The following ADAMTSL1 variants were observed in gnomAD, a reference collection of about 807,000 sequenced individuals.
ADAMTSL1 encodes ADAMTS-like protein 1.
Under a neutral mutation model 201.8 loss-of-function variants are expected in ADAMTSL1, and 126 were observed. The ratio of observed to expected loss-of-function variants is 0.62; its 90% CI spans 0.54 to 0.72. The LOEUF is 0.72. Among genes scored for constraint, ADAMTSL1 ranks in the 30% least tolerant of loss-of-function variants. The pLI is 0.00. For synonymous variants in ADAMTSL1, 1,121 were observed against 903.4 expected, an observed-to-expected ratio of 1.24 and a Z score of -4.32; for missense variants, 2,679 against 2,277.8, an observed-to-expected ratio of 1.18 and a Z score of -3.59.
At chr9:18,332,690 A>G (rs530293270) in intron 2 of ADAMTSL1, among the ~76,000 whole-genome samples, 1 of 152,196 alleles carries the variant, frequency 6.6e-6, no homozygotes, top group Non-Finnish European at 1.5e-5. Context: ...GTTGATAACT[A>G]CACAGTTATG....
chr9:18,662,590 C>T (rs564275428), intron 9 of ADAMTSL1, among the ~76,000 whole-genome samples: 3 of 152,100 alleles, frequency 2.0e-5, no homozygotes, highest in Non-Finnish European at 4.4e-5. Context: ...CATACTCAGT[C>T]TTTGCTAAAG....
intron 23 of ADAMTSL1, among the ~76,000 whole-genome samples, chr9:18,865,310 A>G (rs966541957): frequency 6.6e-5 from 10 of 151,934 alleles, no homozygotes; most frequent in African/African-American, 1.4e-4. Flanking sequence ...TTGTCCTTGC[A>G]ATAGTTTGCT....
chr9:18,532,931 G>T (rs898636767), intron 2 of ADAMTSL1, among the ~76,000 whole-genome samples: 1 of 151,740 alleles, frequency 6.6e-6, no homozygotes, highest in Non-Finnish European at 1.5e-5. Flanking sequence ...TAAGAAGAAA[G>T]GATTAATTGA....
intron 2 of ADAMTSL1, among the ~76,000 whole-genome samples, chr9:18,264,268 A>G (rs375834130): frequency 1.3e-5 from 2 of 152,050 alleles, no homozygotes; most frequent in South Asian, 2.1e-4. Flanking sequence ...TGGCTATCTC[A>G]TCTATATTTT....
chr9:18,800,863 A>T (rs1822749955), intron 20 of ADAMTSL1, among the ~76,000 whole-genome samples: 1 of 152,208 alleles, frequency 6.6e-6, no homozygotes, highest in Non-Finnish European at 1.5e-5. Flanking sequence ...GGAACATGCG[A>T]AGAATTTGTG....
intron 4 of ADAMTSL1, among the ~76,000 whole-genome samples, chr9:18,579,166 TA>T (rs1177590247): frequency 1.3e-5 from 2 of 150,454 alleles, no homozygotes; most frequent in East Asian, 3.9e-4. Flanking sequence ...TATGCAGCCG[TA>T]AAAAATGATG....
At chr9:18,262,830 A>G (rs920451796) in intron 2 of ADAMTSL1, among the ~76,000 whole-genome samples, 4 of 152,234 alleles carry the variant, frequency 2.6e-5, no homozygotes, top group Admixed American at 6.5e-5. Context: ...TCAAATGACA[A>G]CAGAGAAAGT....
intron 2 of ADAMTSL1, among the ~76,000 whole-genome samples, chr9:18,174,471 A>T (rs1334355318): frequency 6.6e-6 from 1 of 152,186 alleles, no homozygotes; most frequent in African/African-American, 2.4e-5. Context: ...GAATCATATG[A>T]TCAAAAGTCA....
At chr9:18,225,764 C>T (rs1469104403) in intron 2 of ADAMTSL1, among the ~76,000 whole-genome samples, 1 of 151,944 alleles carries the variant, frequency 6.6e-6, no homozygotes, top group Non-Finnish European at 1.5e-5. Context: ...GCTCTTGGGC[C>T]GTTAAAATTA....
At chr9:18,531,381 G>A (rs1819433895) in intron 2 of ADAMTSL1, among the ~76,000 whole-genome samples, 1 of 152,210 alleles carries the variant, frequency 6.6e-6, no homozygotes. Flanking sequence ...CAGCAGTCTT[G>A]TCAATGGGAC....
intron 4 of ADAMTSL1, among the ~76,000 whole-genome samples, chr9:18,598,155 C>T (rs1824387853): frequency 6.6e-6 from 1 of 152,152 alleles, no homozygotes. Flanking sequence ...TATTTTGAAC[C>T]TCTCTACAAA....
chr9:18,342,903 G>A (rs990768251), intron 2 of ADAMTSL1, among the ~76,000 whole-genome samples: 1 of 151,986 alleles, frequency 6.6e-6, no homozygotes, highest in African/African-American at 2.4e-5. Flanking sequence ...CTAGCATGTC[G>A]GTACTTCCTG....
At chr9:18,275,446 C>G (rs935813011) in intron 2 of ADAMTSL1, among the ~76,000 whole-genome samples, 2 of 152,112 alleles carry the variant, frequency 1.3e-5, no homozygotes, top group Non-Finnish European at 2.9e-5. Context: ...TCACCAACCA[C>G]AGTCAAGTTT....
intron 2 of ADAMTSL1, among the ~76,000 whole-genome samples, chr9:18,395,259 G>C (rs148471076): frequency 6.6e-6 from 1 of 152,250 alleles, no homozygotes; most frequent in Non-Finnish European, 1.5e-5. Context: ...ATTTACTCTG[G>C]TTTTTAAAAA....
At chr9:18,389,261 T>A (rs940355378) in intron 2 of ADAMTSL1, among the ~76,000 whole-genome samples, 1 of 152,066 alleles carries the variant, frequency 6.6e-6, no homozygotes, top group South Asian at 2.1e-4. Context: ...TTGTCAAGAA[T>A]ATATATATTG....
intron 2 of ADAMTSL1, among the ~76,000 whole-genome samples, chr9:18,264,361 T>C (rs573558472): frequency 3.2e-4 from 49 of 152,292 alleles, no homozygotes; most frequent in Admixed American, 1.6e-3. Context: ...TCCGGAATTA[T>C]TCTTATAAAA....
intron 1 of ADAMTSL1, among the ~76,000 whole-genome samples, chr9:17,938,463 C>T (rs553849922): frequency 1.6e-4 from 25 of 152,248 alleles, no homozygotes; most frequent in Non-Finnish European, 2.9e-4. Flanking sequence ...GCCAAGGGTG[C>T]GATGTCATCT....
intron 2 of ADAMTSL1, among the ~76,000 whole-genome samples, chr9:18,283,672 G>A (rs1463888978): frequency 6.7e-6 from 1 of 148,812 alleles, no homozygotes; most frequent in Non-Finnish European, 1.5e-5. Context: ...TAGCACTTTG[G>A]GAGACTGAGG....
At chr9:18,320,238 G>A (rs930578398) in intron 2 of ADAMTSL1, among the ~76,000 whole-genome samples, 1 of 152,162 alleles carries the variant, frequency 6.6e-6, no homozygotes, top group African/African-American at 2.4e-5. Context: ...AAACCATGCT[G>A]TACCTGAACT....
Sources: allele counts gnomAD v4.1 joint callset (sites outside exome capture counted in the v4.1 genomes callset), GRCh38; gene constraint gnomAD v4.1.1; transcripts MANE v1.5; gene names NCBI Gene and HGNC (gene_info 2026-07-23, HGNC 2026-07-21).